Variants in RAPH1 observed in about 807,000 individuals in gnomAD.
The protein encoded by RAPH1 is Ras association (RalGDS/AF-6) and pleckstrin homology domains 1, also known as ras-associated and pleckstrin homology domains-containing protein 1.
RAPH1 carries 18 observed loss-of-function variants against 88.1 expected under a neutral mutation model. That is an observed-to-expected ratio of 0.20 (90% CI 0.14 to 0.30). The LOEUF (loss-of-function observed/expected upper bound fraction) is 0.30. RAPH1 is among the 10% of genes least tolerant of loss of function. RAPH1 has a pLI of 1.00. For synonymous variants in RAPH1, 587 were observed against 559.0 expected (o/e 1.05, Z -0.71); for missense variants, 1,448 against 1,543.2 (o/e 0.94, Z 1.03).
intron 4 of RAPH1, among the ~76,000 whole-genome samples, chr2:203,481,338 A>G (rs149388114): frequency 8.7e-4 from 132 of 152,132 alleles, no homozygotes; most frequent in Admixed American, 2.0e-3. Flanking sequence ...CGTTCCTTCC[A>G]TTGTAAAAGA....
At chr2:203,470,980 A>C (rs2098532535) in intron 4 of RAPH1, among the ~76,000 whole-genome samples, 1 of 152,230 alleles carries the variant, frequency 6.6e-6, no homozygotes, top group African/African-American at 2.4e-5. Flanking sequence ...CACACACTTA[A>C]ATTAATTCAA....
At chr2:203,451,260 C>G (rs2098514666) in intron 10 of RAPH1, among the ~76,000 whole-genome samples, 1 of 152,092 alleles carries the variant, frequency 6.6e-6, no homozygotes, top group African/African-American at 2.4e-5. Context: ...ATTTCACATA[C>G]TTCACATTTT....
chr2:203,486,082 C>T (rs1302173656), intron 4 of RAPH1, among the ~76,000 whole-genome samples: 5 of 140,878 alleles, frequency 3.5e-5, no homozygotes, highest in Non-Finnish European at 7.8e-5. Context: ...TAAGGATAAT[C>T]CTGAAGACTA....
intron 7 of RAPH1, 151 bp downstream of exon 7, chr2:203,459,756 G>C (rs1257349271): frequency 4.0e-6 from 3 of 751,390 alleles, no homozygotes; most frequent in Non-Finnish European, 6.5e-6. Flanking sequence ...AGCAGCAGCA[G>C]CAGCAGTAGT....
At chr2:203,502,515 C>T (rs1434653331) in intron 1 of RAPH1, among the ~76,000 whole-genome samples, 2 of 152,154 alleles carry the variant, frequency 1.3e-5, no homozygotes, top group Non-Finnish European at 2.9e-5. Context: ...AAATCAAATT[C>T]AAAGGCAATT....
chr2:203,516,649 T>A (rs1689623387), intron 1 of RAPH1, among the ~76,000 whole-genome samples: 1 of 152,010 alleles, frequency 6.6e-6, no homozygotes, highest in African/African-American at 2.4e-5. Context: ...CTTGGGAGGC[T>A]TGAACCTGGG....
chr2:203,484,021 A>G (rs1393006897), intron 4 of RAPH1, among the ~76,000 whole-genome samples: 5 of 152,180 alleles, frequency 3.3e-5, no homozygotes, highest in Non-Finnish European at 5.9e-5. Context: ...ATGACTTCTC[A>G]GCCTTCATAA....
intron 7 of RAPH1, among the ~76,000 whole-genome samples, chr2:203,459,026 T>C (rs1251747402): frequency 1.3e-5 from 2 of 151,808 alleles, no homozygotes; most frequent in Non-Finnish European, 2.9e-5. Context: ...ACTCCCAAAG[T>C]GCTGGGCTAA....
intron 1 of RAPH1, among the ~76,000 whole-genome samples, chr2:203,527,940 C>G (rs1442129654): frequency 2.6e-5 from 4 of 151,446 alleles, no homozygotes; most frequent in African/African-American, 9.7e-5. Context: ...AAAAGAGAAA[C>G]TGAAGCAAGA....
intron 8 of RAPH1, 53 bp downstream of exon 8, chr2:203,457,477 C>G: frequency 6.9e-7 from 1 of 1,449,990 alleles, no homozygotes; most frequent in Non-Finnish European, 9.7e-7. Flanking sequence ...AGCCACCATG[C>G]CTGGCCTAAT....
intron 4 of RAPH1, among the ~76,000 whole-genome samples, chr2:203,485,459 G>A (rs1000625830): frequency 6.6e-6 from 1 of 151,340 alleles, no homozygotes; most frequent in South Asian, 2.1e-4. Flanking sequence ...CGAAGTCAAG[G>A]TCTATGTCTT....
chr2:203,495,478 A>G (rs2305417), intron 1 of RAPH1, 125 bp from the exon 2 acceptor site: 445,849 of 863,434 alleles, frequency 0.52, 122,831 homozygotes, highest in South Asian at 0.62. Context: ...TAGAAATTAC[A>G]TTCTAAAAGA....
intron 1 of RAPH1, among the ~76,000 whole-genome samples, chr2:203,507,534 G>C (rs1689144995): frequency 6.6e-6 from 1 of 152,048 alleles, no homozygotes; most frequent in Non-Finnish European, 1.5e-5. Context: ...AACATCAGAG[G>C]GTTCCAGTTA....
intron 1 of RAPH1, among the ~76,000 whole-genome samples, chr2:203,515,042 T>C (rs966064362): frequency 6.6e-6 from 1 of 152,190 alleles, no homozygotes; most frequent in African/African-American, 2.4e-5. Flanking sequence ...CCTGTGTGCA[T>C]GTGTACATAC....
chr2:203,450,824 C>A (rs1161293223), intron 10 of RAPH1, among the ~76,000 whole-genome samples: 1 of 152,096 alleles, frequency 6.6e-6, no homozygotes, highest in African/African-American at 2.4e-5. Flanking sequence ...GCAAACTTGA[C>A]TGCATAGGTG....
intron 8 of RAPH1, among the ~76,000 whole-genome samples, chr2:203,457,321 G>A (rs570040290): frequency 6.6e-6 from 1 of 151,956 alleles, no homozygotes; most frequent in South Asian, 2.1e-4. Context: ...CGAGTAGCTG[G>A]GATTACAGGC....
intron 10 of RAPH1, among the ~76,000 whole-genome samples, chr2:203,449,266 T>G (rs1264100231): frequency 1.3e-5 from 2 of 152,144 alleles, no homozygotes; most frequent in Non-Finnish European, 2.9e-5. Flanking sequence ...TGACAAAGCT[T>G]CAGTGTCTAG....
In RAPH1 at chr2:203,441,421, G is replaced by A. The variant is rs2098504005; in HGVS notation, c.1777-8C>T. The stretch of plus-strand genomic sequence containing the variant: ...CATAGACTCCATTCTGGCCTAAAAG[G>A]AGTATAAAAAGGGAGTGGGAGAGAG... On this transcript the variant is annotated splice_polypyrimidine_tract_variant and splice_region_variant and intron_variant, in intron 13 of 13. Coordinates refer to ENST00000319170, the MANE Select transcript of RAPH1 (RefSeq NM_213589.3). The A allele has an allele frequency of 1.3e-6, 2 of 1,529,034 alleles. No homozygotes were observed. The highest frequency in any genetic ancestry group is 1.7e-6 in the Non-Finnish European group (2 of 1,143,514). The allele number at this position is 1,529,034 out of a possible 1,614,324, so 94.7% of individuals were successfully genotyped here. A position where few individuals can be genotyped will look rare whatever the true frequency, so the allele number is the denominator to read the frequency against.
At chr2:203,450,060 C>CTTTAAAAGAATT (rs1298595911) in intron 10 of RAPH1, among the ~76,000 whole-genome samples, 2 of 150,890 alleles carry the variant, frequency 1.3e-5, no homozygotes, top group African/African-American at 2.4e-5. Context: ...AGAAAAAAAG[C>CTTTAAAAGAATT]TTTAAAAGAA....
Sources: allele counts gnomAD v4.1 joint callset (sites outside exome capture counted in the v4.1 genomes callset), GRCh38; gene constraint gnomAD v4.1.1; transcripts MANE v1.5; gene names NCBI Gene and HGNC (gene_info 2026-07-23, HGNC 2026-07-21).